The following TEKT1 variants were observed in gnomAD, a reference collection of about 807,000 sequenced individuals.
TEKT1 encodes the protein tektin 1, also known as tektin-1.
TEKT1 carries 32 observed loss-of-function variants against 34.8 expected under a neutral mutation model. The ratio of observed to expected loss-of-function variants is 0.92; its 90% CI spans 0.69 to 1.23. TEKT1 has a LOEUF of 1.23. Ranked by LOEUF, TEKT1 falls within the 50% of genes most tolerant of loss-of-function variation. The probability of loss-of-function intolerance (pLI) is 0.00; values close to 1 mark genes in which losing one functional copy is unlikely to be tolerated. For synonymous variants in TEKT1, 207 were observed against 199.8 expected (o/e 1.04, Z -0.30); for missense variants, 492 against 518.5 (o/e 0.95, Z 0.50).
In TEKT1 at chr17:6,799,336, G is replaced by C. The variant is rs1001343627; in HGVS notation, c.*691C>G. On this transcript the variant is annotated 3_prime_UTR_variant, in exon 8 of 8. Transcript: ENST00000338694. ...AATCCTGAAATTGAGTTTATGCCAT[G>C]AGTACAATTGTGCAGAAATTATGTT... is the stretch of plus-strand genomic sequence containing the variant. The C allele has an allele frequency of 1.3e-5, 2 of 152,196 alleles. No homozygotes were observed. Among genetic ancestry groups the C allele is most frequent in the African/African-American group, 4.8e-5 (2 of 41,442 alleles). 9.4% of individuals were successfully genotyped at this position (152,196 alleles called of 1,614,324 possible).
chr17:6,817,962 T>C (rs898351135), intron 3 of TEKT1, among the ~76,000 whole-genome samples: 1 of 152,188 alleles, frequency 6.6e-6, no homozygotes, highest in Admixed American at 6.5e-5. Flanking sequence ...CTTTGCTTCA[T>C]AGATTTCTAA....
intron 2 of TEKT1, among the ~76,000 whole-genome samples, chr17:6,820,438 C>G (rs1389438217): frequency 6.6e-6 from 1 of 151,558 alleles, no homozygotes; most frequent in Non-Finnish European, 1.5e-5. Flanking sequence ...TCATAATGTA[C>G]TGGTTGTAGT....
intron 6 of TEKT1, 66 bp from the exon 7 acceptor site, chr17:6,801,009 G>T: frequency 7.0e-7 from 1 of 1,435,178 alleles, no homozygotes; most frequent in Non-Finnish European, 9.5e-7. Flanking sequence ...GCTGACAGCA[G>T]ATGGGTTGTG....
chr17:6,809,524 G>A (rs774871004), intron 6 of TEKT1, among the ~76,000 whole-genome samples: 20 of 152,160 alleles, frequency 1.3e-4, no homozygotes, highest in Non-Finnish European at 2.1e-4. Context: ...GAGCCACCGC[G>A]CCCAGCCGAT....
rs757532891 is a variant in TEKT1 at position 6,819,226 on chromosome 17, G to A, written c.323C>T (p.Pro108Leu). The change falls in exon 3 of 8, where the codon CCC becomes CTC. Residue 108 changes from proline (P) to leucine (L), a missense_variant. Pro to Leu is a moderately conservative substitution (Grantham distance 98). Transcript: ENST00000338694. Reference protein sequence around the residue: ...LEKALETLKEPLHITETCLAY... With the variant: ...LEKALETLKELLHITETCLAY... ...CAGGCATGTCTCAGTGATGTGCAAG[G>A]GCTCTTTCAAGGTCTCCAGGGCTTT... is the stretch of plus-strand genomic sequence containing the variant. The A allele has an allele frequency of 1.2e-6, 2 of 1,613,724 alleles. No individual in the cohort carries two copies. The highest frequency in any genetic ancestry group is 8.5e-7 in the Non-Finnish European group (1 of 1,179,868).
intron 5 of TEKT1, 49 bp downstream of exon 5, chr17:6,815,114 G>T: frequency 6.4e-7 from 1 of 1,568,788 alleles, no homozygotes; most frequent in Non-Finnish European, 8.6e-7. Context: ...TTGCCTATCT[G>T]AGAAGCACTG....
chr17:6,819,549 C>T (rs997556722), intron 2 of TEKT1, among the ~76,000 whole-genome samples, 191 bp from the exon 3 acceptor site: 1 of 152,210 alleles, frequency 6.6e-6, no homozygotes, highest in Admixed American at 6.5e-5. Context: ...TATTTTCTTA[C>T]AGTCCACATC....
intron 6 of TEKT1, among the ~76,000 whole-genome samples, chr17:6,807,578 T>G (rs989991730): frequency 1.3e-5 from 2 of 152,214 alleles, no homozygotes; most frequent in Admixed American, 1.3e-4. Flanking sequence ...ACTGCTCTGT[T>G]TTTTCCCCAT....
intron 2 of TEKT1, among the ~76,000 whole-genome samples, chr17:6,823,651 C>T (rs1402667256): frequency 6.6e-6 from 1 of 152,220 alleles, no homozygotes; most frequent in East Asian, 1.9e-4. Flanking sequence ...ATTTTCACCT[C>T]TACTGTGTAC....
intron 6 of TEKT1, among the ~76,000 whole-genome samples, chr17:6,808,044 T>C (rs1166126148): frequency 6.6e-6 from 1 of 152,180 alleles, no homozygotes; most frequent in Admixed American, 6.5e-5. Flanking sequence ...GCCTTTTGTT[T>C]GGCAGTACCC....
At chr17:6,827,483 T>A (rs2095747232) in intron 2 of TEKT1, among the ~76,000 whole-genome samples, 2 of 151,768 alleles carry the variant, frequency 1.3e-5, no homozygotes, top group South Asian at 4.2e-4. Flanking sequence ...AGGCTGGTCT[T>A]GAACTCCTGA....
chr17:6,800,804 T>C lies in TEKT1; in HGVS notation c.992A>G (p.Asp331Gly), dbSNP rs925101527. The stretch of plus-strand genomic sequence containing the variant: ...CTTCATTAGCCTATATTGTGCGACA[T>C]CACGACACAGCTCCACGTTCGGCCG... ...THRPNVELCRDVAQYRLMKEV... is the reference protein window; with the variant it reads ...THRPNVELCRGVAQYRLMKEV... Residue 331 changes from aspartate (D) to glycine (G), a missense_variant, in exon 7 of 8, where the codon GAT becomes GGT. Coordinates refer to ENST00000338694, the MANE Select transcript of TEKT1 (RefSeq NM_053285.2). The C allele has an allele frequency of 1.9e-6, 3 of 1,614,152 alleles. No homozygotes were observed. The highest frequency in any genetic ancestry group is 2.5e-6 in the Non-Finnish European group (3 of 1,180,020).
At chr17:6,828,617 C>T (rs768354090) in intron 2 of TEKT1, among the ~76,000 whole-genome samples, 15 of 152,106 alleles carry the variant, frequency 9.9e-5, no homozygotes, top group Non-Finnish European at 2.2e-4. Flanking sequence ...ATGGGGCACA[C>T]GTTCTCCAGG....
intron 6 of TEKT1, among the ~76,000 whole-genome samples, chr17:6,812,502 T>A (rs1976942010): frequency 6.6e-6 from 1 of 151,832 alleles, no homozygotes; most frequent in Non-Finnish European, 1.5e-5. Flanking sequence ...TACGGAGGAG[T>A]GGCAACTGGA....
chr17:6,830,400 A>C lies in TEKT1; in HGVS notation c.-17-7T>G, dbSNP rs1904544239. 1 of 1,524,152 alleles carries C rather than the reference A, an allele frequency of 6.6e-7. No homozygotes were observed. The highest frequency in any genetic ancestry group is 1.4e-5 in the African/African-American group (1 of 70,978). The allele number at this position is 1,524,152 out of a possible 1,614,324, so 94.4% of individuals were successfully genotyped here. ...ATTTGAGGTTTCCAAATTCCTGATC[A>C]AAAGCAGACTCTTTTAGATTAAATG... is the stretch of plus-strand genomic sequence containing the variant. On this transcript the variant is annotated splice_polypyrimidine_tract_variant and splice_region_variant and intron_variant, in intron 1 of 7. Transcript: ENST00000338694.
chr17:6,803,487 T>G (rs12386057), intron 6 of TEKT1, among the ~76,000 whole-genome samples: 18,014 of 146,848 alleles, frequency 0.12, 1,216 homozygotes, highest in Middle Eastern at 0.22. Flanking sequence ...GTCAATTTTG[T>G]CTTTTGTTGC....
Position 6,815,223 on chromosome 17 carries a change from G to A in TEKT1, c.569C>T (p.Ser190Leu), listed in dbSNP as rs148656021. 11,285 of 1,614,188 alleles carry A rather than the reference G, an allele frequency of 7.0e-3. 65 individuals are homozygous for A. Among genetic ancestry groups the A allele is most frequent in the Non-Finnish European group, 7.9e-3 (9,286 of 1,180,014 alleles). ...VALTIDDICF[S>L]LNNNSPNIRY... ...GATGTTTGGTGAGTTGTTGTTGAGC[G>A]AGAAGCAGATATCATCTATGGTCAG... Residue 190 changes from serine to leucine, a missense_variant, in exon 5 of 8, where the codon TCG becomes TTG. By Grantham distance (145) the Ser-to-Leu change is moderately radical. Coordinates refer to ENST00000338694, the MANE Select transcript of TEKT1 (RefSeq NM_053285.2).
intron 5 of TEKT1, among the ~76,000 whole-genome samples, chr17:6,813,756 G>A (rs1976960921): frequency 6.6e-6 from 1 of 152,036 alleles, no homozygotes; most frequent in South Asian, 2.1e-4. Flanking sequence ...GGTGATATGA[G>A]GCTTTGTTCA....
At chr17:6,817,726 C>G (rs935866096) in intron 3 of TEKT1, among the ~76,000 whole-genome samples, 2 of 152,158 alleles carry the variant, frequency 1.3e-5, no homozygotes, top group African/African-American at 4.8e-5. Flanking sequence ...TGCCCTTAGC[C>G]ACTATATAAC....
Sources: allele counts gnomAD v4.1 joint callset (sites outside exome capture counted in the v4.1 genomes callset), GRCh38; gene constraint gnomAD v4.1.1; transcripts MANE v1.5; gene names NCBI Gene and HGNC (gene_info 2026-07-23, HGNC 2026-07-21).